The following DOCK2 variants were observed in gnomAD, a reference collection of about 807,000 sequenced individuals.
DOCK2 encodes the protein dedicator of cytokinesis protein 2.
In DOCK2, 87 loss-of-function variants were observed where a neutral mutation model predicts 248.9. That is an observed-to-expected ratio of 0.35 (90% CI 0.29 to 0.42). DOCK2 has a LOEUF of 0.42. Among genes scored for constraint, DOCK2 ranks in the 10% least tolerant of loss-of-function variants. DOCK2 has a pLI of 1.00. For synonymous variants in DOCK2, 805 were observed against 821.6 expected (o/e 0.98, Z 0.35); for missense variants, 1,747 against 2,300.2 (o/e 0.76, Z 4.92).
At position 170,014,980 on chromosome 5, in the gene DOCK2, A is replaced by G. The variant is rs116798417; in HGVS notation, c.3233-3980A>G. 4.1e-3 allele frequency among the ~76,000 whole-genome samples: 632 copies of G among 152,348 alleles called. 3 individuals carry two copies. The highest frequency in any genetic ancestry group is 6.6e-3 in the Non-Finnish European group (452 of 68,022). On this transcript the variant is annotated intron_variant, in intron 32 of 51. Transcript: ENST00000520908. ...GAGGGTTGTGAGTGTCAGCCATGGT[A>G]GGGAAGATAAATCCATCTGACCCTT...
chr5:169,937,389 G>C (rs1776042555), intron 27 of DOCK2, among the ~76,000 whole-genome samples: 1 of 152,154 alleles, frequency 6.6e-6, no homozygotes, highest in East Asian at 1.9e-4. Context: ...CACATCCCTG[G>C]CCTATGATTT....
intron 41 of DOCK2, among the ~76,000 whole-genome samples, chr5:170,053,747 A>G (rs1269312564): frequency 6.6e-6 from 1 of 152,250 alleles, no homozygotes; most frequent in African/African-American, 2.4e-5. Context: ...TTAAGGCAGA[A>G]ACAGGCATCA....
intron 27 of DOCK2, among the ~76,000 whole-genome samples, chr5:169,975,833 C>T (rs1777698815): frequency 6.6e-6 from 1 of 152,210 alleles, no homozygotes; most frequent in African/African-American, 2.4e-5. Flanking sequence ...AGAACAAAGC[C>T]TTTGGTAACC....
chr5:169,939,453 A>G (rs1776140156), intron 27 of DOCK2, among the ~76,000 whole-genome samples: 1 of 152,206 alleles, frequency 6.6e-6, no homozygotes, highest in African/African-American at 2.4e-5. Flanking sequence ...TTATTAGTAG[A>G]AGGAATACAC....
chr5:170,065,769 A>G lies in DOCK2; in HGVS notation c.4468-1741A>G, dbSNP rs539684608. On this transcript the variant is annotated intron_variant, in intron 44 of 51. Transcript: ENST00000520908. ...AAAGACCTGCCCCCATGATTCAGTC[A>G]TCTCCCACTAAGTCCCTCCTACAAC... Among the ~76,000 whole-genome samples, 23 of 152,218 alleles carry G rather than the reference A, an allele frequency of 1.5e-4. No homozygotes were observed. In the East Asian group the frequency reaches 4.4e-3, roughly 29 times the overall value.
chr5:169,994,807 C>T (rs1211394695), intron 29 of DOCK2, among the ~76,000 whole-genome samples: 5 of 152,096 alleles, frequency 3.3e-5, no homozygotes, highest in African/African-American at 1.2e-4. Context: ...ACCCTGTAGG[C>T]AGTGGAGAGC....
chr5:169,906,288 T>C (rs1022487215), intron 27 of DOCK2, among the ~76,000 whole-genome samples: 3 of 152,074 alleles, frequency 2.0e-5, no homozygotes, highest in Non-Finnish European at 4.4e-5. Context: ...AGTATGATCA[T>C]AGTACTGACT....
At chr5:170,008,231 A>AC (rs1561877911) in intron 30 of DOCK2, among the ~76,000 whole-genome samples, 11 of 147,672 alleles carry the variant, frequency 7.4e-5, no homozygotes, top group African/African-American at 9.9e-5. Flanking sequence ...ACAACAAAAA[A>AC]AAAAAAACCT....
Position 169,949,126 on chromosome 5 carries a change from C to T in DOCK2, c.2800-33942C>T, listed in dbSNP as rs370630869. 1.8e-3 allele frequency among the ~76,000 whole-genome samples: 272 copies of T among 152,302 alleles called. 6 individuals are homozygous for T. In the South Asian group the frequency reaches 0.048, roughly 27 times the overall value. On this transcript the variant is annotated intron_variant, in intron 27 of 51. Coordinates refer to ENST00000520908, the MANE Select transcript of DOCK2 (RefSeq NM_004946.3). ...TAGCCCTGTATTCGAATTTCCTTGG[C>T]ATCTTTTTGAATATTCATGCAAAAG... is the stretch of plus-strand genomic sequence containing the variant.
chr5:169,698,261 C>A, intron 10 of DOCK2, 113 bp from the exon 11 acceptor site: 1 of 1,058,166 alleles, frequency 9.5e-7, no homozygotes, highest in Non-Finnish European at 1.4e-6. Context: ...TTAGGCCTTC[C>A]TGACCCCCAG....
intron 38 of DOCK2, among the ~76,000 whole-genome samples, chr5:170,042,492 T>A (rs1312750869): frequency 1.3e-5 from 2 of 152,192 alleles, no homozygotes; most frequent in Non-Finnish European, 2.9e-5. Context: ...AATTACACAA[T>A]CCTTCCCATG....
chr5:169,980,967 C>T (rs56903706), intron 27 of DOCK2, among the ~76,000 whole-genome samples: 4,238 of 152,194 alleles, frequency 0.028, 225 homozygotes, highest in African/African-American at 0.095. Context: ...TAGTCATTTA[C>T]GGTGTGTGGG....
At chr5:169,737,515 G>T (rs1478542567) in intron 22 of DOCK2, among the ~76,000 whole-genome samples, 3 of 152,130 alleles carry the variant, frequency 2.0e-5, no homozygotes, top group Non-Finnish European at 4.4e-5. Context: ...GCATGCTAAT[G>T]AGTTGACTGA....
intron 2 of DOCK2, among the ~76,000 whole-genome samples, chr5:169,668,772 C>T (rs1321759922): frequency 6.6e-6 from 1 of 152,180 alleles, no homozygotes; most frequent in African/African-American, 2.4e-5. Flanking sequence ...TGTTTTGTAA[C>T]GACTAACTTT....
At chr5:169,778,651 T>C (rs1765522308) in intron 25 of DOCK2, among the ~76,000 whole-genome samples, 1 of 152,224 alleles carries the variant, frequency 6.6e-6, no homozygotes, top group Admixed American at 6.5e-5. Context: ...CGAAGGATTG[T>C]ATATGCGTGT....
At chr5:169,848,003 C>T (rs183860032) in intron 27 of DOCK2, among the ~76,000 whole-genome samples, 14 of 152,086 alleles carry the variant, frequency 9.2e-5, no homozygotes, top group African/African-American at 2.9e-4. Flanking sequence ...TGGAAAAAAC[C>T]GTCTTGGAGA....
intron 24 of DOCK2, among the ~76,000 whole-genome samples, chr5:169,760,643 C>T (rs1764432743): frequency 6.6e-6 from 1 of 152,220 alleles, no homozygotes; most frequent in East Asian, 1.9e-4. Context: ...TTAAATTTCT[C>T]CCCCAGCCCC....
intron 27 of DOCK2, among the ~76,000 whole-genome samples, chr5:169,982,435 C>T (rs1223347612): frequency 6.6e-6 from 1 of 152,186 alleles, no homozygotes; most frequent in Non-Finnish European, 1.5e-5. Flanking sequence ...CTTGATTTCC[C>T]TCTTCTTTGA....
At chr5:169,771,903 G>A (rs1415069798) in intron 25 of DOCK2, among the ~76,000 whole-genome samples, 1 of 152,118 alleles carries the variant, frequency 6.6e-6, no homozygotes, top group Non-Finnish European at 1.5e-5. Flanking sequence ...CAGAGTTTAT[G>A]TTTTATATAT....
Sources: allele counts gnomAD v4.1 joint callset (sites outside exome capture counted in the v4.1 genomes callset), GRCh38; gene constraint gnomAD v4.1.1; transcripts MANE v1.5; gene names NCBI Gene and HGNC (gene_info 2026-07-23, HGNC 2026-07-21).